ATP5PB: variants seen among roughly 807,000 people sequenced by gnomAD.
The protein encoded by ATP5PB is ATP synthase peripheral stalk subunit b, mitochondrial.
A neutral mutation model predicts 34.5 loss-of-function variants in ATP5PB; 21 were observed. The ratio of observed to expected loss-of-function variants is 0.61; its 90% confidence interval spans 0.43 to 0.88. The LOEUF is 0.88. ATP5PB is among the 40% of genes least tolerant of loss of function. The pLI is 0.00. For missense variants in ATP5PB, 293 were observed against 317.4 expected, an observed-to-expected ratio of 0.92 and a Z score of 0.58; for synonymous variants, 108 against 114.1, an observed-to-expected ratio of 0.95 and a Z score of 0.34.
At chr1:111,455,231 C>A (rs1393682623) in intron 3 of ATP5PB, among the ~76,000 whole-genome samples, 1 of 151,906 alleles carries the variant, frequency 6.6e-6, no homozygotes, top group African/African-American at 2.4e-5. Flanking sequence ...TCTCCTCAGA[C>A]GTCCATAGGT....
At position 111,454,245 on chromosome 1, in the gene ATP5PB, C is replaced by G. The variant is rs762432243; in HGVS notation, c.112C>G (p.Gln38Glu). 5 of 1,609,816 alleles carry G rather than the reference C, an allele frequency of 3.1e-6. No homozygotes were observed. The highest frequency in any genetic ancestry group is 3.4e-6 in the Non-Finnish European group (4 of 1,178,642). The change falls in exon 3 of 7, where the codon CAG becomes GAG. Residue 38 changes from glutamine (Q) to glutamate (E), a missense_variant. Gln to Glu is a conservative substitution (Grantham distance 29, BLOSUM62 2). Transcript: ENST00000369722. ...GGCAACAAGGACCTTTCATACAGGG[C>G]AGCCACACCTTGTCCCTGTACCACC... is the stretch of plus-strand genomic sequence containing the variant. ...LQATRTFHTG[Q>E]PHLVPVPPLP...
Position 111,459,687 on chromosome 1 carries a change from G to A in ATP5PB, c.693+51G>A, listed in dbSNP as rs1653565896. 2.6e-6 allele frequency: 4 copies of A among 1,557,180 alleles called. No individual in the cohort carries two copies. The East Asian group carries it at 9.2e-5, about 36-fold the overall frequency. On this transcript the variant is annotated intron_variant, in intron 6 of 6. Coordinates refer to ENST00000369722, the MANE Select transcript of ATP5PB (RefSeq NM_001688.5). ...ATGTTGTACTGGTATCTCTTAACAA[G>A]TATCTGCTGATGTTTTGTTAAGGTA...
Position 111,456,771 on chromosome 1 carries a change from T to G in ATP5PB, c.513+16T>G, listed in dbSNP as rs746145019. The G allele has an allele frequency of 6.3e-7, 1 of 1,584,214 alleles. No individual in the cohort carries two copies. The highest frequency in any genetic ancestry group is 1.2e-5 in the South Asian group (1 of 84,562). On this transcript the variant is annotated intron_variant, in intron 5 of 6. Transcript: ENST00000369722. ...TGTGCAAAGGGTAGGTTTCAGAAGT[T>G]TCTAGGAAGAATGAAGTTACTTGTT... is the stretch of plus-strand genomic sequence containing the variant.
At position 111,456,698 on chromosome 1, in the gene ATP5PB, G is replaced by C; in HGVS notation, c.456G>C (p.Thr152=). The change falls in exon 5 of 7, where the codon ACG becomes ACC. Residue 152 remains threonine, a synonymous_variant. Transcript: ENST00000369722. ...SIQHIQNAID[T]EKSQQALVQK... ...AACACATCCAGAATGCAATTGATACGGAGAAGTCACAACAGGCACTGGTTC... is the reference window on the plus strand; with the variant it reads ...AACACATCCAGAATGCAATTGATACCGAGAAGTCACAACAGGCACTGGTTC... 1 of 1,613,652 alleles carries C rather than the reference G, an allele frequency of 6.2e-7. No individual in the cohort carries two copies. The highest frequency in any genetic ancestry group is 1.1e-5 in the South Asian group (1 of 91,018).
intron 1 of ATP5PB, 96 bp downstream of exon 1, chr1:111,449,677 C>CCCT: frequency 6.5e-7 from 1 of 1,546,922 alleles, no homozygotes; most frequent in Non-Finnish European, 8.8e-7. Flanking sequence ...GCGACACGGG[C>CCCT]CTGAGAGGCG....
chr1:111,459,778 A>G (rs1653567602), intron 6 of ATP5PB, 142 bp downstream of exon 6: 1 of 834,346 alleles, frequency 1.2e-6, no homozygotes, highest in African/African-American at 1.7e-5. Context: ...TTTTCTGGAT[A>G]GTGATAAGCA....
intron 6 of ATP5PB, 51 bp from the exon 7 acceptor site, chr1:111,460,866 C>T: frequency 6.5e-7 from 1 of 1,547,488 alleles, no homozygotes; most frequent in Non-Finnish European, 8.9e-7. Flanking sequence ...ATACTCTATA[C>T]TTTTCTATGT....
Position 111,451,405 on chromosome 1 carries a change from C to T in ATP5PB, c.77+1532C>T, listed in dbSNP as rs572941355. Among the ~76,000 whole-genome samples the T allele has an allele frequency of 7.9e-5, 12 of 152,288 alleles. No individual in the cohort carries two copies. The East Asian group carries it at 2.3e-3, about 29-fold the overall frequency. The stretch of plus-strand genomic sequence containing the variant: ...CTTCCCCATTTTGTTGCTCCCTATC[C>T]GCTTACCTTGCTCAGTTTTTCTCCA... On this transcript the variant is annotated intron_variant, in intron 2 of 6. Transcript: ENST00000369722.
chr1:111,451,728 G>T (rs1653342289), intron 2 of ATP5PB, among the ~76,000 whole-genome samples: 1 of 152,150 alleles, frequency 6.6e-6, no homozygotes, highest in Admixed American at 6.5e-5. Context: ...AGAAGGAGCA[G>T]CATAAGGCAA....
At position 111,449,511 on chromosome 1, in the gene ATP5PB, G is replaced by C. The variant is rs776750889; in HGVS notation, c.-31G>C. 1 of 1,614,022 alleles carries C rather than the reference G, an allele frequency of 6.2e-7. No homozygotes were observed. Among genetic ancestry groups the C allele is most frequent in the East Asian group, 2.2e-5 (1 of 44,890 alleles). On this transcript the variant is annotated 5_prime_UTR_variant, in exon 1 of 7. Coordinates refer to ENST00000369722, the MANE Select transcript of ATP5PB (RefSeq NM_001688.5). Reference sequence around the variant, plus strand: ...ATTCTCCTATCGGGGTCACAGGGACGCTAAGATTGCTACCTGGACTTTCGT... The same window carrying C: ...ATTCTCCTATCGGGGTCACAGGGACCCTAAGATTGCTACCTGGACTTTCGT...
intron 5 of ATP5PB, 121 bp from the exon 6 acceptor site, chr1:111,459,336 A>T: frequency 1.1e-6 from 1 of 935,596 alleles, no homozygotes; most frequent in Non-Finnish European, 1.6e-6. Context: ...ATTACCTATT[A>T]AATAAAAGAA....
At chr1:111,455,176 C>G (rs942532104) in intron 3 of ATP5PB, among the ~76,000 whole-genome samples, 3 of 151,966 alleles carry the variant, frequency 2.0e-5, no homozygotes, top group Non-Finnish European at 4.4e-5. Flanking sequence ...GCCCTGGAGT[C>G]ACCTAAAGTA....
At chr1:111,459,863 T>C (rs1324083514) in intron 6 of ATP5PB, among the ~76,000 whole-genome samples, 1 of 152,152 alleles carries the variant, frequency 6.6e-6, no homozygotes, top group Non-Finnish European at 1.5e-5. Context: ...ATATATTTAA[T>C]TTCTCTATAA....
intron 2 of ATP5PB, 140 bp downstream of exon 2, chr1:111,450,013 A>T: frequency 9.2e-7 from 1 of 1,082,670 alleles, no homozygotes. Context: ...TTCAGACAAG[A>T]CACTTGTTCC....
At chr1:111,455,276 A>G (rs1653440905) in intron 3 of ATP5PB, among the ~76,000 whole-genome samples, 1 of 152,174 alleles carries the variant, frequency 6.6e-6, no homozygotes, top group Non-Finnish European at 1.5e-5. Flanking sequence ...TGTTTCTTGC[A>G]AATTCATATT....
At chr1:111,459,861 A>G (rs1249093607) in intron 6 of ATP5PB, among the ~76,000 whole-genome samples, 1 of 152,108 alleles carries the variant, frequency 6.6e-6, no homozygotes, top group Non-Finnish European at 1.5e-5. Flanking sequence ...TGATATATTT[A>G]ATTTCTCTAT....
rs755140912 is a variant in ATP5PB at position 111,460,955 on chromosome 1, G to T, written c.732G>T (p.Lys244Asn). ...ETIAKCIADL[K>N]LLAKKAQAQP... ...TTGCCAAGTGCATTGCGGACCTAAA[G>T]CTGCTGGCAAAGAAGGCTCAAGCAC... is the stretch of plus-strand genomic sequence containing the variant. The change falls in exon 7 of 7, where the codon AAG (lysine) becomes AAT (asparagine). Residue 244 changes from lysine (K) to asparagine (N), a missense_variant. Physicochemically the swap from Lys to Asn is moderately conservative, Grantham distance 94. Transcript: ENST00000369722. The T allele has an allele frequency of 2.5e-6, 4 of 1,613,124 alleles. No homozygotes were observed. The Admixed American group carries it at 6.7e-5, about 27-fold the overall frequency.
At chr1:111,453,864 C>T (rs530323771) in intron 2 of ATP5PB, among the ~76,000 whole-genome samples, 3 of 152,316 alleles carry the variant, frequency 2.0e-5, no homozygotes, top group African/African-American at 4.8e-5. Flanking sequence ...AGTCAAGGAG[C>T]AGGTCTAGGA....
intron 3 of ATP5PB, 86 bp downstream of exon 3, chr1:111,454,442 TTG>T (rs1557800048): frequency 2.5e-4 from 341 of 1,365,882 alleles, no homozygotes; most frequent in East Asian, 6.7e-4. Context: ...TTGGTTTTTG[TTG>T]TTGTTGTTGT....
Sources: gnomAD v4.1 joint callset for allele counts (sites outside exome capture counted in the v4.1 genomes callset) on GRCh38, gnomAD v4.1.1 for gene constraint, MANE v1.5 for transcripts, NCBI Gene and HGNC (gene_info 2026-07-23, HGNC 2026-07-21) for gene names.